Variants in MOCS3 observed in about 807,000 individuals in gnomAD.
MOCS3 encodes the protein molybdenum cofactor synthesis 3.
MOCS3 carries 9 observed loss-of-function variants against 8.4 expected under a neutral mutation model. That is an observed-to-expected ratio of 1.07 (90% CI 0.65 to 1.87). The LOEUF is 1.87. MOCS3 is among the 40% of genes most tolerant of loss of function. The probability of loss-of-function intolerance (pLI) is 0.00; values close to 1 mark genes in which losing one functional copy is unlikely to be tolerated. For missense variants in MOCS3, 581 were observed against 599.7 expected, an observed-to-expected ratio of 0.97 and a Z score of 0.33; for synonymous variants, 294 against 272.0, an observed-to-expected ratio of 1.08 and a Z score of -0.80.
rs2123159159 is a variant in MOCS3, at chr20:50,959,317, C to T, written c.475C>T (p.Gln159Ter). The T allele has an allele frequency of 6.2e-7, 1 of 1,610,388 alleles. No individual in the cohort carries two copies. Among genetic ancestry groups the T allele is most frequent in the African/African-American group, 1.3e-5 (1 of 75,050 alleles). Residue 159 changes from glutamine (Q) to a stop codon, truncating the protein, a stop_gained, in exon 1 of 1, where the codon CAG becomes TAG. Coordinates refer to ENST00000244051, the MANE Select transcript of MOCS3 (RefSeq NM_014484.5). LOFTEE classifies it low-confidence loss of function (END_TRUNC). ...NSAVECVPYT[Q>*]ALTPATALDL... is the part of the protein sequence containing the mutation. ...GGCAGTGGAATGCGTGCCGTACACT[C>T]AGGCCCTTACGCCAGCCACTGCCCT...
rs1209012835 is a variant in MOCS3, at chr20:50,963,396, A to G, written c.*3171A>G. Reference sequence around the variant, plus strand: ...CTGATAAGTGCCATAAAAGAAATGAAACTGTGACATATTAGGGTGGGGGAG... The same window carrying G: ...CTGATAAGTGCCATAAAAGAAATGAGACTGTGACATATTAGGGTGGGGGAG... On this transcript the variant is annotated 3_prime_UTR_variant, in exon 1 of 1. Transcript: ENST00000244051. 6.6e-6 allele frequency: 1 copy of G among 152,170 alleles called. No homozygotes were observed. The highest frequency in any genetic ancestry group is 2.4e-5 in the African/African-American group (1 of 41,434). 9.4% of individuals were successfully genotyped at this position (152,170 alleles called of 1,614,324 possible). A position where few individuals can be genotyped will look rare whatever the true frequency, so the allele number is the denominator to read the frequency against.
chr20:50,959,143 T>C lies in MOCS3; in HGVS notation c.301T>C (p.Leu101=). Residue 101 remains leucine, a synonymous_variant, in exon 1 of 1, where the codon TTG becomes CTG. Transcript: ENST00000244051. Reference sequence around the variant, plus strand: ...GCTCGGCTGTCCACTAGCGCAGTACTTGGCAGCGGCCGGCGTGGGCCGCCT... The same window carrying C: ...GCTCGGCTGTCCACTAGCGCAGTACCTGGCAGCGGCCGGCGTGGGCCGCCT... The part of the protein sequence containing the change: ...GGLGCPLAQY[L]AAAGVGRLGL... 1 of 1,613,076 alleles carries C rather than the reference T, an allele frequency of 6.2e-7. No individual in the cohort carries two copies. The highest frequency in any genetic ancestry group is 8.5e-7 in the Non-Finnish European group (1 of 1,179,928).
In MOCS3 at chr20:50,959,701, T is replaced by G; in HGVS notation, c.859T>G (p.Ser287Ala). Residue 287 changes from serine to alanine, a missense_variant, in exon 1 of 1, where the codon TCT becomes GCT. By Grantham distance (99) the Ser-to-Ala change is moderately conservative. Coordinates refer to ENST00000244051, the MANE Select transcript of MOCS3 (RefSeq NM_014484.5). ...LFDALRGHFR[S>A]IRLRSRRLDC... is the part of the protein sequence containing the mutation. ...TGATGCCCTGAGAGGGCATTTCCGC[T>G]CTATTCGGCTGCGGAGCCGCAGGCT... 6.2e-7 allele frequency: 1 copy of G among 1,614,222 alleles called. No individual in the cohort carries two copies. The highest frequency in any genetic ancestry group is 8.5e-7 in the Non-Finnish European group (1 of 1,180,040).
chr20:50,959,027 G>C lies in MOCS3; in HGVS notation c.185G>C (p.Arg62Pro). 1 of 1,612,494 alleles carries C rather than the reference G, an allele frequency of 6.2e-7. No homozygotes were observed. Among genetic ancestry groups the C allele is most frequent in the African/African-American group, 1.3e-5 (1 of 75,046 alleles). ...KAALSRDEIL[R>P]YSRQLVLPEL... ...GCTCTGTCCCGAGATGAGATTCTGC[G>C]CTATAGCCGGCAGCTAGTGCTGCCC... Residue 62 changes from arginine to proline, a missense_variant, in exon 1 of 1, where the codon CGC becomes CCC. Transcript: ENST00000244051.
In MOCS3 at chr20:50,959,220, G is replaced by A. The variant is rs112533531; in HGVS notation, c.378G>A (p.Val126=). The A allele has an allele frequency of 4.4e-5, 71 of 1,611,140 alleles. 1 individual carries two copies. In the African/African-American group the frequency reaches 7.5e-4, roughly 17 times the overall value. ...VVEMSNLARQ[V]LHGEALAGQA... ...AGATGAGCAACCTGGCCCGCCAAGT[G>A]CTGCATGGCGAGGCACTGGCTGGCC... is the stretch of plus-strand genomic sequence containing the variant. The change falls in exon 1 of 1, where the codon GTG becomes GTA. Residue 126 remains valine (V), a synonymous_variant. Coordinates refer to ENST00000244051, the MANE Select transcript of MOCS3 (RefSeq NM_014484.5).
Position 50,958,873 on chromosome 20 carries a change from C to A in MOCS3, c.31C>A (p.Gln11Lys). MASREEVLAL[Q>K]AEVAQREEEL... ...TTCCCGGGAGGAGGTACTCGCCTTA[C>A]AAGCTGAAGTTGCCCAACGTGAGGA... The change falls in exon 1 of 1, where the codon CAA becomes AAA. Residue 11 changes from glutamine to lysine, a missense_variant. Gln to Lys is a moderately conservative substitution (Grantham distance 53). Coordinates refer to ENST00000244051, the MANE Select transcript of MOCS3 (RefSeq NM_014484.5). 2.5e-6 allele frequency: 4 copies of A among 1,598,038 alleles called. No individual in the cohort carries two copies. The highest frequency in any genetic ancestry group is 3.4e-6 in the Non-Finnish European group (4 of 1,167,980).
chr20:50,959,547 A>G lies in MOCS3; in HGVS notation c.705A>G (p.Thr235=), dbSNP rs950284205. The G allele has an allele frequency of 3.7e-6, 6 of 1,613,976 alleles. No homozygotes were observed. Among genetic ancestry groups the G allele is most frequent in the Non-Finnish European group, 5.1e-6 (6 of 1,180,022 alleles). ...TCCCCCAACCACCCCCAGCGGAGAC[A>G]GTGACCAACTGCGCGGACGGCGGGG... ...CIFPQPPPAE[T]VTNCADGGVL... Residue 235 remains threonine, a synonymous_variant, in exon 1 of 1, where the codon ACA becomes ACG. Coordinates refer to ENST00000244051, the MANE Select transcript of MOCS3 (RefSeq NM_014484.5).
chr20:50,959,639 G>A lies in MOCS3; in HGVS notation c.797G>A (p.Gly266Asp), dbSNP rs1987040575. The change falls in exon 1 of 1, where the codon GGT (glycine) becomes GAT (aspartate). Residue 266 changes from glycine (G) to aspartate (D), a missense_variant. Transcript: ENST00000244051. ...TTGGAAGTGCTGAAAATCGCTGCGG[G>A]TCTGGGCCCCTCTTACAGTGGCAGC... is the stretch of plus-strand genomic sequence containing the variant. ...QALEVLKIAA[G>D]LGPSYSGSLL... 2 of 1,614,114 alleles carry A rather than the reference G, an allele frequency of 1.2e-6. No individual in the cohort carries two copies. Among genetic ancestry groups the A allele is most frequent in the South Asian group, 1.1e-5 (1 of 91,092 alleles).
rs2123164794 is a variant in MOCS3 at position 50,962,509 on chromosome 20, C to T, written c.*2284C>T. On this transcript the variant is annotated 3_prime_UTR_variant, in exon 1 of 1. Coordinates refer to ENST00000244051, the MANE Select transcript of MOCS3 (RefSeq NM_014484.5). ...TGGGCTGTTAAGAATATAACAGATA[C>T]CCAGTACACAACCCAGATCTATTTC... is the stretch of plus-strand genomic sequence containing the variant. 1 of 152,240 alleles carries T rather than the reference C, an allele frequency of 6.6e-6. No homozygotes were observed. The highest frequency in any genetic ancestry group is 1.9e-4 in the East Asian group (1 of 5,184). 9.4% of individuals were successfully genotyped at this position (152,240 alleles called of 1,614,324 possible).
At position 50,960,269 on chromosome 20, in the gene MOCS3, T is replaced by A. The variant is rs778536609; in HGVS notation, c.*44T>A. Reference sequence around the variant, plus strand: ...ATGAGAAAGATGTGGATTGCCATAATACCTCAAAGATACACTTGTTTGCAT... The same window carrying A: ...ATGAGAAAGATGTGGATTGCCATAAAACCTCAAAGATACACTTGTTTGCAT... On this transcript the variant is annotated 3_prime_UTR_variant, in exon 1 of 1. Transcript: ENST00000244051. The A allele has an allele frequency of 1.8e-5, 27 of 1,539,424 alleles. No individual in the cohort carries two copies. The highest frequency in any genetic ancestry group is 9.9e-5 in the South Asian group (8 of 80,550).
Position 50,959,332 on chromosome 20 carries a change from G to T in MOCS3, c.490G>T (p.Ala164Ser), listed in dbSNP as rs148952588. The T allele has an allele frequency of 1.2e-6, 2 of 1,610,246 alleles. No individual in the cohort carries two copies. The highest frequency in any genetic ancestry group is 8.5e-7 in the Non-Finnish European group (1 of 1,178,400). The change falls in exon 1 of 1, where the codon GCC (alanine) becomes TCC (serine). Residue 164 changes from alanine to serine, a missense_variant. Transcript: ENST00000244051. ...GCCGTACACTCAGGCCCTTACGCCA[G>T]CCACTGCCCTAGACCTGGTCCGCCG... ...CVPYTQALTP[A>S]TALDLVRRYD... is the part of the protein sequence containing the mutation.
At position 50,962,967 on chromosome 20, in the gene MOCS3, G is replaced by T. The variant is rs544755915; in HGVS notation, c.*2742G>T. The T allele has an allele frequency of 1.4e-4, 21 of 152,302 alleles. No individual in the cohort carries two copies. Among genetic ancestry groups the T allele is most frequent in the African/African-American group, 4.6e-4 (19 of 41,562 alleles). The allele number at this position is 152,302 out of a possible 1,614,324, so 9.4% of individuals were successfully genotyped here. A position where few individuals can be genotyped will look rare whatever the true frequency, so the allele number is the denominator to read the frequency against. On this transcript the variant is annotated 3_prime_UTR_variant, in exon 1 of 1. Transcript: ENST00000244051. ...AAGTCTTGCTTCGTCGCCCAGGGTG[G>T]AGTGTAGTGTTGTGATCACAGCTCG...
Position 50,958,940 on chromosome 20 carries a change from T to C in MOCS3, c.98T>C (p.Leu33Ser), listed in dbSNP as rs1308264265. 1 of 1,610,790 alleles carries C rather than the reference T, an allele frequency of 6.2e-7. No individual in the cohort carries two copies. The highest frequency in any genetic ancestry group is 8.5e-7 in the Non-Finnish European group (1 of 1,177,910). The part of the protein sequence containing the change: ...SLKQKLASAL[L>S]AEQEPQPERL... ...AAGCAGAAGCTGGCGTCGGCTCTTT[T>C]GGCTGAGCAGGAACCGCAGCCAGAA... is the stretch of plus-strand genomic sequence containing the variant. The change falls in exon 1 of 1, where the codon TTG becomes TCG. Residue 33 changes from leucine (L) to serine (S), a missense_variant. Coordinates refer to ENST00000244051, the MANE Select transcript of MOCS3 (RefSeq NM_014484.5).
rs1987130326 is a variant in MOCS3 at position 50,962,868 on chromosome 20, T to C, written c.*2643T>C. ...CCTGGCATATATTAGTATTTGAAAT[T>C]TGGTTTTCTCTGGGGATTGTAGCTA... On this transcript the variant is annotated 3_prime_UTR_variant, in exon 1 of 1. Coordinates refer to ENST00000244051, the MANE Select transcript of MOCS3 (RefSeq NM_014484.5). The C allele has an allele frequency of 6.6e-6, 1 of 152,062 alleles. No homozygotes were observed. Among genetic ancestry groups the C allele is most frequent in the Non-Finnish European group, 1.5e-5 (1 of 68,030 alleles). The allele number at this position is 152,062 out of a possible 1,614,324, so 9.4% of individuals were successfully genotyped here.
In MOCS3 at chr20:50,959,322, C is replaced by G; in HGVS notation, c.480C>G (p.Ala160=). 1 of 1,610,242 alleles carries G rather than the reference C, an allele frequency of 6.2e-7. No individual in the cohort carries two copies. The highest frequency in any genetic ancestry group is 8.5e-7 in the Non-Finnish European group (1 of 1,178,632). The part of the protein sequence containing the change: ...SAVECVPYTQ[A]LTPATALDLV... The stretch of plus-strand genomic sequence containing the variant: ...TGGAATGCGTGCCGTACACTCAGGC[C>G]CTTACGCCAGCCACTGCCCTAGACC... Residue 160 remains alanine (A), a synonymous_variant, in exon 1 of 1, where the codon GCC becomes GCG. Transcript: ENST00000244051.
In MOCS3 at chr20:50,960,345, G is replaced by C. The variant is rs1376229082; in HGVS notation, c.*120G>C. 9.9e-7 allele frequency: 1 copy of C among 1,015,178 alleles called. No homozygotes were observed. The highest frequency in any genetic ancestry group is 1.4e-6 in the Non-Finnish European group (1 of 715,076). The allele number at this position is 1,015,178 out of a possible 1,614,324, so 62.9% of individuals were successfully genotyped here. A position where few individuals can be genotyped will look rare whatever the true frequency, so the allele number is the denominator to read the frequency against. On this transcript the variant is annotated 3_prime_UTR_variant, in exon 1 of 1. Coordinates refer to ENST00000244051, the MANE Select transcript of MOCS3 (RefSeq NM_014484.5). ...GGGATTCTACAGTATCTGTGAATAC[G>C]TGGACTCCTTTTTATAAGGAGTTTT...
In MOCS3 at chr20:50,959,777, A is replaced by G. The variant is rs139583881; in HGVS notation, c.935A>G (p.Tyr312Cys). The change falls in exon 1 of 1, where the codon TAT (tyrosine) becomes TGT (cysteine). Residue 312 changes from tyrosine to cysteine, a missense_variant. By Grantham distance (194) the Tyr-to-Cys change is radical. Transcript: ENST00000244051. ...ERPTVTDLLD[Y>C]EAFCGSSATD... is the part of the protein sequence containing the mutation. Reference sequence around the variant, plus strand: ...CCCACTGTGACTGATCTGCTGGACTATGAAGCCTTCTGTGGCTCCTCAGCC... The same window carrying G: ...CCCACTGTGACTGATCTGCTGGACTGTGAAGCCTTCTGTGGCTCCTCAGCC... 11 of 1,614,120 alleles carry G rather than the reference A, an allele frequency of 6.8e-6. No individual in the cohort carries two copies. The African/African-American group carries it at 8.0e-5, about 12-fold the overall frequency.
Position 50,960,935 on chromosome 20 carries a change from G to A in MOCS3, c.*710G>A, listed in dbSNP as rs1251558820. 1 of 160,762 alleles carries A rather than the reference G, an allele frequency of 6.2e-6. No homozygotes were observed. Among genetic ancestry groups the A allele is most frequent in the Admixed American group, 6.6e-5 (1 of 15,260 alleles). 10.0% of individuals were successfully genotyped at this position (160,762 alleles called of 1,614,324 possible). A position where few individuals can be genotyped will look rare whatever the true frequency, so the allele number is the denominator to read the frequency against. Reference sequence around the variant, plus strand: ...ATTTTTGTATTTTTAGTACAGAGGGGGTTTCACCATGTTTGTCAGGCTGGT... The same window carrying A: ...ATTTTTGTATTTTTAGTACAGAGGGAGTTTCACCATGTTTGTCAGGCTGGT... On this transcript the variant is annotated 3_prime_UTR_variant, in exon 1 of 1. Coordinates refer to ENST00000244051, the MANE Select transcript of MOCS3 (RefSeq NM_014484.5).
At position 50,962,705 on chromosome 20, in the gene MOCS3, A is replaced by C. The variant is rs929068169; in HGVS notation, c.*2480A>C. 6.6e-6 allele frequency: 1 copy of C among 152,068 alleles called. No individual in the cohort carries two copies. Among genetic ancestry groups the C allele is most frequent in the Non-Finnish European group, 1.5e-5 (1 of 68,052 alleles). The allele number at this position is 152,068 out of a possible 1,614,324, so 9.4% of individuals were successfully genotyped here. ...GCTGGGATTACAGGCACCTGCCACC[A>C]CATCTGGCTAATTTTTCTATTTTTA... On this transcript the variant is annotated 3_prime_UTR_variant, in exon 1 of 1. Transcript: ENST00000244051.
Sources: allele counts gnomAD v4.1 joint callset, GRCh38; gene constraint gnomAD v4.1.1; transcripts MANE v1.5; gene names NCBI Gene and HGNC (gene_info 2026-07-23, HGNC 2026-07-21).